ADAM22: variants seen among roughly 807,000 people sequenced by gnomAD.
ADAM22 encodes disintegrin and metalloproteinase domain-containing protein 22.
A neutral mutation model predicts 144.6 loss-of-function variants in ADAM22; 65 were observed. That is an observed-to-expected ratio of 0.45 (90% CI 0.37 to 0.55). The LOEUF (loss-of-function observed/expected upper bound fraction) is 0.55. Ranked by LOEUF, ADAM22 falls within the 20% of genes least tolerant of loss-of-function variation. The pLI is 0.00. For synonymous variants in ADAM22, 391 were observed against 412.6 expected, an observed-to-expected ratio of 0.95 and a Z score of 0.63; for missense variants, 974 against 1,184.9, an observed-to-expected ratio of 0.82 and a Z score of 2.61.
intron 12 of ADAM22, among the ~76,000 whole-genome samples, chr7:88,133,231 C>T (rs1832225602): frequency 1.3e-5 from 2 of 151,816 alleles, no homozygotes; most frequent in Admixed American, 1.3e-4. Context: ...GGTGTGGTAG[C>T]GTGTGCCTGT....
chr7:88,077,904 T>A (rs1375145387), intron 4 of ADAM22, among the ~76,000 whole-genome samples: 1 of 152,174 alleles, frequency 6.6e-6, no homozygotes, highest in Non-Finnish European at 1.5e-5. Context: ...CTCTGTAGGC[T>A]CCACCTCTGG....
intron 29 of ADAM22, among the ~76,000 whole-genome samples, chr7:88,183,612 G>A (rs1056300408): frequency 5.3e-5 from 8 of 151,918 alleles, no homozygotes; most frequent in African/African-American, 9.7e-5. Context: ...GAGAAATCTT[G>A]CCTATGAGAT....
At chr7:88,039,624 T>C (rs1802602282) in intron 3 of ADAM22, among the ~76,000 whole-genome samples, 1 of 149,886 alleles carries the variant, frequency 6.7e-6, no homozygotes, top group South Asian at 2.1e-4. Context: ...TGTGTGTGTG[T>C]GTGTCTGTGT....
chr7:88,007,929 C>A (rs957492034), intron 3 of ADAM22, among the ~76,000 whole-genome samples: 1 of 152,122 alleles, frequency 6.6e-6, no homozygotes, highest in African/African-American at 2.4e-5. Context: ...AGCTTCTGCA[C>A]AGCAAAAGAA....
intron 2 of ADAM22, among the ~76,000 whole-genome samples, chr7:87,964,875 T>G (rs1336718613): frequency 6.6e-6 from 1 of 152,186 alleles, no homozygotes; most frequent in South Asian, 2.1e-4. Flanking sequence ...CAGATTTATG[T>G]CATACTGAAT....
intron 2 of ADAM22, among the ~76,000 whole-genome samples, chr7:87,955,431 G>A (rs1002320417): frequency 2.0e-5 from 3 of 152,192 alleles, no homozygotes; most frequent in Non-Finnish European, 4.4e-5. Flanking sequence ...TATCAGCAGC[G>A]GTGTCTGCAG....
chr7:88,106,600 C>T (rs1309023912), intron 4 of ADAM22, among the ~76,000 whole-genome samples: 1 of 152,158 alleles, frequency 6.6e-6, no homozygotes, highest in Non-Finnish European at 1.5e-5. Flanking sequence ...TTCACTCTTT[C>T]GTATCTCAGT....
At chr7:88,083,435 A>G (rs988703047) in intron 4 of ADAM22, among the ~76,000 whole-genome samples, 2 of 151,974 alleles carry the variant, frequency 1.3e-5, no homozygotes, top group African/African-American at 4.8e-5. Context: ...ACATGTATAC[A>G]TATGTAACAA....
chr7:88,136,170 A>G (rs150745370), intron 14 of ADAM22, 139 bp downstream of exon 14: 1 of 575,398 alleles, frequency 1.7e-6, no homozygotes, highest in Non-Finnish European at 2.7e-6. Flanking sequence ...CCTCTTATTT[A>G]TAAAAACAAT....
At chr7:88,156,120 A>T in intron 22 of ADAM22, 114 bp downstream of exon 22, 1 of 1,131,190 alleles carries the variant, frequency 8.8e-7, no homozygotes. Flanking sequence ...AATATAATCT[A>T]GTCTATAGAG....
chr7:88,163,647 TAAAAAC>T lies in ADAM22; in HGVS notation c.2076+470_2076+475del, dbSNP rs144754103. Reference sequence around the variant, plus strand: ...ACAAGCTGAGGATAAGTCCTAGAAATAAAAACAATAACTTAGGGAAATGTTTCTTAC... The same window carrying T: ...ACAAGCTGAGGATAAGTCCTAGAAATAATAACTTAGGGAAATGTTTCTTAC... On this transcript the variant is annotated intron_variant, in intron 23 of 31. Transcript: ENST00000413139. Among the ~76,000 whole-genome samples, 538 of 152,062 alleles carry T rather than the reference TAAAAAC, an allele frequency of 3.5e-3. 3 individuals are homozygous for T. Among genetic ancestry groups the T allele is most frequent in the African/African-American group, 0.011 (467 of 41,512 alleles).
At chr7:88,000,638 G>T (rs1792323406) in intron 3 of ADAM22, among the ~76,000 whole-genome samples, 1 of 151,802 alleles carries the variant, frequency 6.6e-6, no homozygotes, top group Non-Finnish European at 1.5e-5. Context: ...TAAAATCTTG[G>T]TTTTTCAGGA....
intron 17 of ADAM22, among the ~76,000 whole-genome samples, chr7:88,146,714 A>G (rs1836564942): frequency 1.3e-5 from 2 of 152,214 alleles, no homozygotes; most frequent in Non-Finnish European, 2.9e-5. Context: ...AAGCAAACTC[A>G]GTCTCAAGGA....
chr7:87,939,150 C>G (rs1269500431), intron 2 of ADAM22, among the ~76,000 whole-genome samples: 2 of 152,110 alleles, frequency 1.3e-5, no homozygotes, highest in Non-Finnish European at 2.9e-5. Flanking sequence ...AAGGCTAGTA[C>G]TTAACCCAGG....
At chr7:88,062,412 T>C (rs1379867037) in intron 3 of ADAM22, among the ~76,000 whole-genome samples, 1 of 152,234 alleles carries the variant, frequency 6.6e-6, no homozygotes, top group East Asian at 1.9e-4. Flanking sequence ...TTCAAACATT[T>C]CTTCTGCAAC....
intron 2 of ADAM22, among the ~76,000 whole-genome samples, chr7:87,963,324 A>G (rs538736232): frequency 6.6e-6 from 1 of 152,244 alleles, no homozygotes; most frequent in South Asian, 2.1e-4. Context: ...CGGAGCGACA[A>G]CCCACCCAGT....
At position 87,952,731 on chromosome 7, in the gene ADAM22, T is replaced by C. The variant is rs1248400610; in HGVS notation, c.246+17545T>C. Among the ~76,000 whole-genome samples the C allele has an allele frequency of 5.3e-5, 8 of 152,290 alleles. No homozygotes were observed. In the East Asian group the frequency reaches 1.5e-3, roughly 29 times the overall value. Reference sequence around the variant, plus strand: ...CAGAAGGAATGGTACCAGTTCCTCCTTGTACCTCTGGTAGAATTCGGCTGT... The same window carrying C: ...CAGAAGGAATGGTACCAGTTCCTCCCTGTACCTCTGGTAGAATTCGGCTGT... On this transcript the variant is annotated intron_variant, in intron 2 of 31. Transcript: ENST00000413139.
rs117366443 is a variant in ADAM22, at chr7:88,012,768, C to A, written c.323+34356C>A. 3.3e-5 allele frequency among the ~76,000 whole-genome samples: 5 copies of A among 152,278 alleles called. No individual in the cohort carries two copies. The East Asian group carries it at 9.7e-4, about 29-fold the overall frequency. On this transcript the variant is annotated intron_variant, in intron 3 of 31. Transcript: ENST00000413139. Reference sequence around the variant, plus strand: ...AGTAGGCTCATCCCTCTGCTGTGACCTTCACAGTGTTTCTGAACTATCCCC... The same window carrying A: ...AGTAGGCTCATCCCTCTGCTGTGACATTCACAGTGTTTCTGAACTATCCCC...
intron 10 of ADAM22, 41 bp from the exon 11 acceptor site, chr7:88,131,228 C>T: frequency 6.5e-7 from 1 of 1,549,604 alleles, no homozygotes; most frequent in Non-Finnish European, 8.8e-7. Flanking sequence ...TTTGATTTTA[C>T]CACATGTACA....
Sources: allele counts gnomAD v4.1 joint callset (sites outside exome capture counted in the v4.1 genomes callset), GRCh38; gene constraint gnomAD v4.1.1; transcripts MANE v1.5; gene names NCBI Gene and HGNC (gene_info 2026-07-23, HGNC 2026-07-21).